Variants in GABRB3 observed in about 807,000 individuals in gnomAD.
The protein encoded by GABRB3 is gamma-aminobutyric acid type A receptor subunit beta3, also known as gamma-aminobutyric acid receptor subunit beta-3.
A neutral mutation model predicts 52.1 loss-of-function variants in GABRB3; 14 were observed. That is an observed-to-expected ratio of 0.27 (90% confidence interval 0.18 to 0.42). The LOEUF is 0.42. Ranked by LOEUF, GABRB3 falls within the 10% of genes least tolerant of loss-of-function variation. GABRB3 has a pLI of 1.00. For missense variants in GABRB3, 307 were observed against 609.1 expected (o/e 0.50, Z 5.22); for synonymous variants, 260 against 232.3 (o/e 1.12, Z -1.08).
chr15:26,663,857 T>G (rs1373269506), intron 3 of GABRB3, among the ~76,000 whole-genome samples: 5 of 152,232 alleles, frequency 3.3e-5, no homozygotes, highest in Non-Finnish European at 7.3e-5. Context: ...CCATTTTAAT[T>G]TTTCTATAGT....
At chr15:26,683,449 C>T (rs1258384856) in intron 3 of GABRB3, among the ~76,000 whole-genome samples, 2 of 151,868 alleles carry the variant, frequency 1.3e-5, no homozygotes, top group Non-Finnish European at 2.9e-5. Context: ...TTCTTTGCTC[C>T]ATCACCAGCC....
In GABRB3 at chr15:26,621,227, C is replaced by T. The variant is rs1451584288; in HGVS notation, c.461+87G>A. ...CTTCCTAATTTATCTGAGGTCATTG[C>T]CTCACTTACAATAATCATCTCAAGT... On this transcript the variant is annotated intron_variant, in intron 4 of 8. Transcript: ENST00000311550. The surrounding 1 kb of genome is among the most constrained non-coding windows in gnomAD (Gnocchi z 4.1). 1.9e-6 allele frequency: 2 copies of T among 1,036,020 alleles called. No individual in the cohort carries two copies. Among genetic ancestry groups the T allele is most frequent in the East Asian group, 4.7e-5 (2 of 42,256 alleles). 64.2% of individuals were successfully genotyped at this position (1,036,020 alleles called of 1,614,324 possible).
intron 4 of GABRB3, among the ~76,000 whole-genome samples, chr15:26,611,547 T>C (rs1892071998): frequency 6.6e-6 from 1 of 152,202 alleles, no homozygotes; most frequent in African/African-American, 2.4e-5. Flanking sequence ...GATCTCAAAG[T>C]TGTTTCAAAT....
At chr15:26,597,960 A>G (rs1308648125) in intron 4 of GABRB3, among the ~76,000 whole-genome samples, 3 of 152,252 alleles carry the variant, frequency 2.0e-5, no homozygotes, top group Non-Finnish European at 4.4e-5. Flanking sequence ...GCTCTTTGCC[A>G]CTGCAGGCTT....
At chr15:26,724,840 C>T (rs535079071) in intron 3 of GABRB3, among the ~76,000 whole-genome samples, 3 of 152,276 alleles carry the variant, frequency 2.0e-5, no homozygotes, top group East Asian at 3.9e-4. Context: ...CTTTGCCCCC[C>T]CTCAAAGTAT....
At chr15:26,754,513 G>A (rs368266693) in intron 3 of GABRB3, among the ~76,000 whole-genome samples, 10 of 152,252 alleles carry the variant, frequency 6.6e-5, no homozygotes, top group African/African-American at 1.9e-4. Flanking sequence ...ATCCAAATTA[G>A]TCCAAATGCC....
chr15:26,772,568 G>T, intron 2 of GABRB3, 99 bp from the exon 3 acceptor site: 2 of 1,447,612 alleles, frequency 1.4e-6, no homozygotes, highest in Non-Finnish European at 1.9e-6. Flanking sequence ...GCGGGCGAAG[G>T]GCCCCCACTC....
At chr15:26,664,279 C>T (rs186155204) in intron 3 of GABRB3, among the ~76,000 whole-genome samples, 1 of 152,282 alleles carries the variant, frequency 6.6e-6, no homozygotes, top group Admixed American at 6.5e-5. Context: ...ATTCACTGAA[C>T]ACTACATCAG....
chr15:26,747,836 T>G (rs1157531354), intron 3 of GABRB3, among the ~76,000 whole-genome samples: 1 of 152,156 alleles, frequency 6.6e-6, no homozygotes, highest in Admixed American at 6.6e-5. Context: ...TTTTTGTAGA[T>G]TCTCTTTATA....
intron 3 of GABRB3, among the ~76,000 whole-genome samples, chr15:26,674,842 G>A (rs1035511918): frequency 1.3e-5 from 2 of 152,166 alleles, no homozygotes; most frequent in Non-Finnish European, 2.9e-5. Context: ...TTTTGAGAAG[G>A]GCAAGGCTTA....
intron 4 of GABRB3, chr15:26,615,595 A>C (rs1233683878): frequency 1.8e-6 from 1 of 554,494 alleles, no homozygotes; most frequent in African/African-American, 2.0e-5. Flanking sequence ...ATCAGAGTTA[A>C]GGATTAATGA....
At chr15:26,748,095 T>G (rs934848965) in intron 3 of GABRB3, among the ~76,000 whole-genome samples, 1 of 151,928 alleles carries the variant, frequency 6.6e-6, no homozygotes, top group Non-Finnish European at 1.5e-5. Context: ...ATATAATTCC[T>G]CTAAGATATT....
At chr15:26,665,276 C>G (rs1210932972) in intron 3 of GABRB3, among the ~76,000 whole-genome samples, 1 of 152,160 alleles carries the variant, frequency 6.6e-6, no homozygotes, top group Non-Finnish European at 1.5e-5. Flanking sequence ...CCTCACCACT[C>G]TACTCTCTCT....
At chr15:26,556,299 T>C (rs577584948) in intron 8 of GABRB3, among the ~76,000 whole-genome samples, 8 of 152,320 alleles carry the variant, frequency 5.3e-5, no homozygotes, top group Non-Finnish European at 8.8e-5. Flanking sequence ...TGTCACCAGA[T>C]TGGCACACAG....
intron 3 of GABRB3, among the ~76,000 whole-genome samples, chr15:26,678,604 C>G (rs549432239): frequency 1.7e-4 from 26 of 151,738 alleles, no homozygotes; most frequent in African/African-American, 6.0e-4. Context: ...GAGAGAGATA[C>G]AGAGAGGAAG....
At chr15:26,607,335 A>G (rs961151367) in intron 4 of GABRB3, among the ~76,000 whole-genome samples, 2 of 152,200 alleles carry the variant, frequency 1.3e-5, no homozygotes, top group Non-Finnish European at 2.9e-5. Flanking sequence ...AGTAAAATCA[A>G]TGTGGCAAGA....
intron 3 of GABRB3, among the ~76,000 whole-genome samples, chr15:26,736,283 C>G (rs1443201011): frequency 6.6e-6 from 1 of 152,166 alleles, no homozygotes; most frequent in Admixed American, 6.5e-5. Flanking sequence ...AAATAAGCTA[C>G]TTACATAAGG....
At chr15:26,668,318 A>C (rs1887779139) in intron 3 of GABRB3, among the ~76,000 whole-genome samples, 1 of 152,236 alleles carries the variant, frequency 6.6e-6, no homozygotes, top group South Asian at 2.1e-4. Flanking sequence ...ATGTGCTATA[A>C]AAAATTAAAA....
intron 3 of GABRB3, among the ~76,000 whole-genome samples, chr15:26,709,515 C>CTTTTTTTTTTT (rs57044167): frequency 4.0e-4 from 37 of 91,966 alleles, no homozygotes; most frequent in Non-Finnish European, 5.6e-4. Flanking sequence ...TTTTTTCTTT[C>CTTTTTTTTTTT]TTTTTTTTTT....
Sources: gnomAD v4.1 joint callset for allele counts (sites outside exome capture counted in the v4.1 genomes callset) on GRCh38, gnomAD v4.1.1 for gene constraint, Gnocchi (gnomAD v3.1) non-coding constraint, MANE v1.5 for transcripts, NCBI Gene and HGNC (gene_info 2026-07-23, HGNC 2026-07-21) for gene names.